MEIS1: variants seen among roughly 807,000 people sequenced by gnomAD.
MEIS1 encodes homeobox protein Meis1.
Under a neutral mutation model 50.8 loss-of-function variants are expected in MEIS1, and 5 were observed. The ratio of observed to expected loss-of-function variants is 0.10; its 90% confidence interval spans 0.05 to 0.21. The LOEUF is 0.21. Among genes scored for constraint, MEIS1 ranks in the 10% least tolerant of loss-of-function variants. MEIS1 has a pLI of 1.00. For missense variants in MEIS1, 318 were observed against 517.3 expected (o/e 0.61, Z 3.74); for synonymous variants, 176 against 179.3 (o/e 0.98, Z 0.15).
intron 8 of MEIS1, among the ~76,000 whole-genome samples, chr2:66,533,523 CTTTT>C (rs1332506570): frequency 6.6e-6 from 1 of 152,132 alleles, no homozygotes; most frequent in East Asian, 1.9e-4. Flanking sequence ...TTTATAGTGT[CTTTT>C]TTTAACACTC....
At chr2:66,473,667 A>T (rs1057089827) in intron 7 of MEIS1, among the ~76,000 whole-genome samples, 4 of 152,122 alleles carry the variant, frequency 2.6e-5, no homozygotes, top group Non-Finnish European at 5.9e-5. Flanking sequence ...GTTATTGATA[A>T]TAAAAATGTA....
Position 66,464,240 on chromosome 2 carries a change from CTT to C in MEIS1, c.742+23_742+24del, listed in dbSNP as rs1355283644. ...AGCAAGGTAGGAGAGATGTTATTCT[CTT>C]TTGCTACTTGTTTCATTTTTAAGGA... On this transcript the variant is annotated intron_variant, in intron 7 of 12. Transcript: ENST00000272369. 1.3e-6 allele frequency: 2 copies of C among 1,530,872 alleles called. No individual in the cohort carries two copies. Among genetic ancestry groups the C allele is most frequent in the East Asian group, 4.8e-5 (2 of 41,912 alleles). The allele number at this position is 1,530,872 out of a possible 1,614,324, so 94.8% of individuals were successfully genotyped here. A position where few individuals can be genotyped will look rare whatever the true frequency, so the allele number is the denominator to read the frequency against.
At chr2:66,498,383 C>T (rs1385547653) in intron 7 of MEIS1, among the ~76,000 whole-genome samples, 1 of 152,022 alleles carries the variant, frequency 6.6e-6, no homozygotes, top group Admixed American at 6.6e-5. Flanking sequence ...GGTCACACAG[C>T]TATTAAGTGG....
intron 8 of MEIS1, among the ~76,000 whole-genome samples, chr2:66,535,189 G>T (rs1234429447): frequency 6.6e-6 from 1 of 151,816 alleles, no homozygotes; most frequent in Non-Finnish European, 1.5e-5. Context: ...CAACTTCCCA[G>T]CCACGTAACC....
chr2:66,517,012 T>G (rs1189995596), intron 8 of MEIS1, among the ~76,000 whole-genome samples: 2 of 152,196 alleles, frequency 1.3e-5, no homozygotes, highest in African/African-American at 4.8e-5. Flanking sequence ...GGTAGGCACA[T>G]GGGCAGGTAG....
chr2:66,485,460 T>G (rs1673120141), intron 7 of MEIS1, among the ~76,000 whole-genome samples: 1 of 152,230 alleles, frequency 6.6e-6, no homozygotes, highest in Non-Finnish European at 1.5e-5. Flanking sequence ...ATGCATAGTA[T>G]TCCATGGTGT....
intron 7 of MEIS1, among the ~76,000 whole-genome samples, chr2:66,492,070 T>G: frequency 9.0e-6 from 1 of 111,198 alleles, no homozygotes; most frequent in Non-Finnish European, 2.0e-5. Context: ...AGCGTTCACT[T>G]GTGTGTGTGT....
At chr2:66,521,953 T>A (rs1674132821) in intron 8 of MEIS1, among the ~76,000 whole-genome samples, 1 of 152,216 alleles carries the variant, frequency 6.6e-6, no homozygotes, top group Non-Finnish European at 1.5e-5. Flanking sequence ...TCAGGTTCAC[T>A]CCCTCTAGTA....
intron 9 of MEIS1, among the ~76,000 whole-genome samples, chr2:66,560,860 A>G (rs1675196917): frequency 6.6e-6 from 1 of 152,130 alleles, no homozygotes; most frequent in Non-Finnish European, 1.5e-5. Context: ...CTACCCGCAG[A>G]CACACTGATG....
chr2:66,538,910 A>G (rs1674583273), intron 8 of MEIS1, among the ~76,000 whole-genome samples: 1 of 152,024 alleles, frequency 6.6e-6, no homozygotes, highest in East Asian at 1.9e-4. Context: ...TTGTTTTTTA[A>G]GGAGTCTCAC....
At chr2:66,524,120 A>C (rs1454688127) in intron 8 of MEIS1, among the ~76,000 whole-genome samples, 2 of 152,176 alleles carry the variant, frequency 1.3e-5, no homozygotes, top group African/African-American at 4.8e-5. Flanking sequence ...CTTTTGTTGG[A>C]GAGAAAAAGA....
At chr2:66,490,928 C>T (rs1202501227) in intron 7 of MEIS1, among the ~76,000 whole-genome samples, 1 of 152,136 alleles carries the variant, frequency 6.6e-6, no homozygotes. Flanking sequence ...CTACCATTTG[C>T]GTTGCATCTT....
chr2:66,539,164 G>T, intron 8 of MEIS1, among the ~76,000 whole-genome samples: 1 of 152,132 alleles, frequency 6.6e-6, no homozygotes, highest in East Asian at 1.9e-4. Context: ...TGGTATTACA[G>T]GTGTGGGCCA....
intron 9 of MEIS1, among the ~76,000 whole-genome samples, chr2:66,560,114 T>C (rs1675176329): frequency 6.6e-6 from 1 of 151,714 alleles, no homozygotes; most frequent in East Asian, 1.9e-4. Context: ...TTTTTTTTTT[T>C]TTTTTTTTTA....
At chr2:66,534,044 T>A (rs1674459142) in intron 8 of MEIS1, among the ~76,000 whole-genome samples, 1 of 152,234 alleles carries the variant, frequency 6.6e-6, no homozygotes, top group South Asian at 2.1e-4. Flanking sequence ...AGTCTCTAAA[T>A]ATATGCCAGA....
At chr2:66,493,371 G>A (rs914095256) in intron 7 of MEIS1, among the ~76,000 whole-genome samples, 1 of 152,180 alleles carries the variant, frequency 6.6e-6, no homozygotes, top group Non-Finnish European at 1.5e-5. Context: ...TTAACATGAA[G>A]CCTTGCTAGC....
chr2:66,568,260 A>C (rs575737295), intron 10 of MEIS1: 1 of 171,818 alleles, frequency 5.8e-6, no homozygotes, highest in South Asian at 1.5e-4. Context: ...GTAAGATAAC[A>C]AGAGTATTTG....
At chr2:66,530,584 C>T (rs1052500717) in intron 8 of MEIS1, among the ~76,000 whole-genome samples, 20 of 152,130 alleles carry the variant, frequency 1.3e-4, no homozygotes, top group African/African-American at 4.8e-4. Flanking sequence ...GGCGTGGTGG[C>T]AGGCACCTGT....
At chr2:66,465,972 CT>C (rs1318027075) in intron 7 of MEIS1, among the ~76,000 whole-genome samples, 2 of 152,172 alleles carry the variant, frequency 1.3e-5, no homozygotes, top group African/African-American at 4.8e-5. Flanking sequence ...TTACTTTCTA[CT>C]TATAATGTTT....
Sources: allele counts gnomAD v4.1 joint callset (sites outside exome capture counted in the v4.1 genomes callset), GRCh38; gene constraint gnomAD v4.1.1; transcripts MANE v1.5; gene names NCBI Gene and HGNC (gene_info 2026-07-23, HGNC 2026-07-21).